ANKRD30B: variants seen among roughly 807,000 people sequenced by gnomAD.
The protein encoded by ANKRD30B is ankyrin repeat domain 30B, also known as ankyrin repeat domain-containing protein 30B.
In ANKRD30B, 144 loss-of-function variants were observed where a neutral mutation model predicts 202.2. The ratio of observed to expected loss-of-function variants is 0.71; its 90% CI spans 0.62 to 0.82. The LOEUF (loss-of-function observed/expected upper bound fraction) is 0.82. ANKRD30B is among the 40% of genes least tolerant of loss of function. ANKRD30B has a pLI of 0.00. For synonymous variants in ANKRD30B, 508 were observed against 561.3 expected (o/e 0.91, Z 1.34); for missense variants, 1,487 against 1,669.1 (o/e 0.89, Z 1.90).
At chr18:14,766,472 C>CAA (rs1168681924) in intron 7 of ANKRD30B, among the ~76,000 whole-genome samples, 641 of 55,532 alleles carry the variant, frequency 0.012, 40 homozygotes, top group Middle Eastern at 0.021. Context: ...GACTCCATCT[C>CAA]AAAAAAAAAA....
In ANKRD30B at chr18:14,791,520, A is replaced by G. The variant is rs1297486540; in HGVS notation, c.1825+29A>G. 2.6e-6 allele frequency: 4 copies of G among 1,529,716 alleles called. No individual in the cohort carries two copies. In the Admixed American group the frequency reaches 7.3e-5, roughly 28 times the overall value. The allele number at this position is 1,529,716 out of a possible 1,614,324, so 94.8% of individuals were successfully genotyped here. ...AGAACCATTTTTTAATTAAAAAGTC[A>G]TTTGACCAAATATTTATCTAAACTG... On this transcript the variant is annotated intron_variant, in intron 16 of 43. Coordinates refer to ENST00000690538, the MANE Select transcript of ANKRD30B (RefSeq NM_001367607.2).
At chr18:14,911,824 A>G in the ANKRD30B span, among the ~76,000 whole-genome samples, 269 of 152,104 alleles carry the variant, frequency 1.8e-3, 2 homozygotes, top group Non-Finnish European at 2.7e-3. Flanking sequence ...AATTCTCCTA[A>G]TAGGGATATT....
At chr18:14,846,457 G>A (rs574801492) in intron 39 of ANKRD30B, among the ~76,000 whole-genome samples, 47 of 151,672 alleles carry the variant, frequency 3.1e-4, no homozygotes, top group African/African-American at 1.0e-3. Context: ...GAAGAATGGT[G>A]TTAAGTCTAC....
At chr18:14,759,630 T>A (rs1269206935) in intron 5 of ANKRD30B, among the ~76,000 whole-genome samples, 1 of 152,222 alleles carries the variant, frequency 6.6e-6, no homozygotes, top group Non-Finnish European at 1.5e-5. Flanking sequence ...AGGAGGTAGA[T>A]AAACAGTAGT....
the ANKRD30B span, among the ~76,000 whole-genome samples, chr18:14,861,215 A>G: frequency 6.6e-6 from 1 of 152,326 alleles, no homozygotes; most frequent in Non-Finnish European, 1.5e-5. Context: ...AAGCAATTAA[A>G]CAATTGAGAC....
At chr18:14,847,050 T>TTATATGTGTA (rs1421555010) in intron 39 of ANKRD30B, among the ~76,000 whole-genome samples, 5 of 111,110 alleles carry the variant, frequency 4.5e-5, no homozygotes, top group African/African-American at 6.4e-5. Context: ...TGATTTAGTT[T>TTATATGTGTA]TATATATATA....
chr18:14,806,413 T>A (rs990530984), intron 24 of ANKRD30B, among the ~76,000 whole-genome samples: 1 of 150,946 alleles, frequency 6.6e-6, no homozygotes, highest in African/African-American at 2.4e-5. Context: ...TGCACAGCCA[T>A]ACATTTCAAT....
At chr18:14,928,201 C>T in the ANKRD30B span, among the ~76,000 whole-genome samples, 4 of 152,196 alleles carry the variant, frequency 2.6e-5, no homozygotes, top group Non-Finnish European at 5.9e-5. Context: ...CTCCCGACCT[C>T]AGGCGATCTG....
At chr18:14,854,761 CCT>C (rs1187881475), downstream of ANKRD30B, among the ~76,000 whole-genome samples, 4 of 151,806 alleles carry the variant, frequency 2.6e-5, no homozygotes, top group African/African-American at 7.3e-5. Flanking sequence ...TACTTTCTCC[CCT>C]CTTTTCTCTC....
intron 14 of ANKRD30B, among the ~76,000 whole-genome samples, 178 bp downstream of exon 14, chr18:14,784,713 A>G (rs1177337751): frequency 6.6e-6 from 1 of 151,044 alleles, no homozygotes; most frequent in African/African-American, 2.4e-5. Context: ...AATTTTCAAT[A>G]TATTTTTTTT....
chr18:14,760,474 C>CT (rs200496519), intron 5 of ANKRD30B, 80 bp from the exon 6 acceptor site: 9,391 of 797,196 alleles, frequency 0.012, 92 homozygotes, highest in Middle Eastern at 0.02. Context: ...CTGAAATACT[C>CT]TAAGAACTTA....
chr18:14,779,360 A>G (rs544936355), intron 10 of ANKRD30B, among the ~76,000 whole-genome samples: 2 of 152,346 alleles, frequency 1.3e-5, no homozygotes, highest in South Asian at 2.1e-4. Context: ...AGGAAAGACT[A>G]TCTCATTGTA....
intron 39 of ANKRD30B, among the ~76,000 whole-genome samples, chr18:14,844,019 T>G (rs1971531520): frequency 6.6e-6 from 1 of 152,224 alleles, no homozygotes; most frequent in African/African-American, 2.4e-5. Context: ...GAATTTGTTT[T>G]CAACTGCTAA....
At chr18:14,830,981 A>G (rs1320799376) in intron 33 of ANKRD30B, among the ~76,000 whole-genome samples, 1 of 151,478 alleles carries the variant, frequency 6.6e-6, no homozygotes, top group East Asian at 2.0e-4. Context: ...AGGAGATGGA[A>G]ACCATCCTGG....
chr18:14,850,657 A>T (rs1971843702), intron 41 of ANKRD30B, among the ~76,000 whole-genome samples: 1 of 151,880 alleles, frequency 6.6e-6, no homozygotes, highest in African/African-American at 2.4e-5. Flanking sequence ...TCCTAGCAAC[A>T]TAGATTAGTG....
At chr18:14,837,859 CA>C (rs1367012699) in intron 36 of ANKRD30B, among the ~76,000 whole-genome samples, 183 bp downstream of exon 36, 4 of 152,114 alleles carry the variant, frequency 2.6e-5, no homozygotes, top group Non-Finnish European at 5.9e-5. Context: ...ACTAAAAATA[CA>C]AAAAATTTAG....
intron 15 of ANKRD30B, among the ~76,000 whole-genome samples, chr18:14,789,185 A>G (rs1291653120): frequency 1.3e-5 from 2 of 152,304 alleles, no homozygotes; most frequent in African/African-American, 2.4e-5. Flanking sequence ...GGATGCATAA[A>G]TGTCTTCTTT....
chr18:14,933,587 A>T, the ANKRD30B span, among the ~76,000 whole-genome samples: 1 of 152,130 alleles, frequency 6.6e-6, no homozygotes, highest in Non-Finnish European at 1.5e-5. Flanking sequence ...TTCCCTAGAG[A>T]TGCAGGCTCA....
At chr18:14,754,282 GGGA>G (rs1447991720) in intron 3 of ANKRD30B, among the ~76,000 whole-genome samples, 1 of 152,048 alleles carries the variant, frequency 6.6e-6, no homozygotes, top group Non-Finnish European at 1.5e-5. Flanking sequence ...CATTTTTCTT[GGGA>G]AGCTTTCAAA....
Sources: allele counts gnomAD v4.1 joint callset (sites outside exome capture counted in the v4.1 genomes callset), GRCh38; gene constraint gnomAD v4.1.1; transcripts MANE v1.5; gene names NCBI Gene and HGNC (gene_info 2026-07-23, HGNC 2026-07-21).